TMC1: variants seen among roughly 807,000 people sequenced by gnomAD.
TMC1 encodes transmembrane channel like 1.
A neutral mutation model predicts 105.8 loss-of-function variants in TMC1; 84 were observed. The ratio of observed to expected loss-of-function variants is 0.79; its 90% confidence interval spans 0.67 to 0.95. The LOEUF is 0.95. Ranked by LOEUF, TMC1 falls within the 40% of genes least tolerant of loss-of-function variation. TMC1 has a pLI of 0.00. For synonymous variants in TMC1, 315 were observed against 311.5 expected, an observed-to-expected ratio of 1.01 and a Z score of -0.12; for missense variants, 817 against 914.1, an observed-to-expected ratio of 0.89 and a Z score of 1.37.
chr9:72,644,501 T>G (rs1269561916), intron 4 of TMC1, among the ~76,000 whole-genome samples: 1 of 152,114 alleles, frequency 6.6e-6, no homozygotes, highest in Non-Finnish European at 1.5e-5. Flanking sequence ...CCAGCACTAT[T>G]TATTGAAAAG....
intron 8 of TMC1, among the ~76,000 whole-genome samples, chr9:72,735,027 C>T (rs2117997073): frequency 6.6e-6 from 1 of 152,294 alleles, no homozygotes; most frequent in East Asian, 1.9e-4. Flanking sequence ...TGAAAGCATT[C>T]TTGAAAGACC....
chr9:72,692,652 G>A (rs1826484922), intron 6 of TMC1, among the ~76,000 whole-genome samples: 1 of 152,152 alleles, frequency 6.6e-6, no homozygotes, highest in Non-Finnish European at 1.5e-5. Flanking sequence ...CTCCTGTCAA[G>A]TTTTTGTCCT....
At chr9:72,543,372 G>C (rs1034136686) in intron 1 of TMC1, among the ~76,000 whole-genome samples, 2 of 152,142 alleles carry the variant, frequency 1.3e-5, no homozygotes, top group Non-Finnish European at 2.9e-5. Flanking sequence ...AGTCTGTCCA[G>C]AGCTACAACC....
Position 72,740,223 on chromosome 9 carries a change from T to C in TMC1, c.453+14T>C, listed in dbSNP as rs1356804289. The stretch of plus-strand genomic sequence containing the variant: ...ATGATGGCCAAGGTAGGTATTTTTA[T>C]AGTTGTCTGGTTTATGGCATATTGC... On this transcript the variant is annotated intron_variant, in intron 9 of 23. Coordinates refer to ENST00000297784, the MANE Select transcript of TMC1 (RefSeq NM_138691.3). 8.1e-6 allele frequency: 13 copies of C among 1,610,430 alleles called. No homozygotes were observed. The highest frequency in any genetic ancestry group is 1.0e-5 in the Non-Finnish European group (12 of 1,176,758).
intron 8 of TMC1, among the ~76,000 whole-genome samples, chr9:72,702,848 TC>T (rs1269796178): frequency 1.1e-4 from 17 of 151,946 alleles, no homozygotes; most frequent in Admixed American, 1.1e-3. Context: ...TGGTCTGGAG[TC>T]CAAGAGTTAA....
intron 3 of TMC1, among the ~76,000 whole-genome samples, 157 bp from the exon 4 acceptor site, chr9:72,627,764 G>A (rs1243634326): frequency 6.6e-6 from 1 of 152,090 alleles, no homozygotes; most frequent in Non-Finnish European, 1.5e-5. Context: ...GGCTATTCTT[G>A]TCTGTGGCAT....
chr9:72,545,687 C>T (rs924882612), intron 1 of TMC1, among the ~76,000 whole-genome samples: 1 of 151,964 alleles, frequency 6.6e-6, no homozygotes, highest in African/African-American at 2.4e-5. Flanking sequence ...AGGGTTTCAC[C>T]ATGTTCGCCA....
chr9:72,684,073 C>A (rs531490993), intron 5 of TMC1, among the ~76,000 whole-genome samples: 71 of 151,960 alleles, frequency 4.7e-4, no homozygotes, highest in Middle Eastern at 3.4e-3. Context: ...CAGGGATAAA[C>A]CAAAAGCAGA....
chr9:72,783,522 T>TTA (rs1212440990), intron 13 of TMC1, among the ~76,000 whole-genome samples: 66 of 152,294 alleles, frequency 4.3e-4, no homozygotes, highest in African/African-American at 1.3e-3. Context: ...CTGTGGCAGC[T>TTA]GATTAGATGA....
chr9:72,685,780 C>T (rs1826371012), intron 5 of TMC1, among the ~76,000 whole-genome samples: 1 of 152,140 alleles, frequency 6.6e-6, no homozygotes. Context: ...TGTGAGCACA[C>T]AATAAATGGT....
chr9:72,833,461 G>A (rs1829073841), intron 23 of TMC1, among the ~76,000 whole-genome samples: 1 of 152,174 alleles, frequency 6.6e-6, no homozygotes, highest in Non-Finnish European at 1.5e-5. Context: ...ACTAGTGTGT[G>A]TCTGGGATAC....
intron 15 of TMC1, 68 bp from the exon 16 acceptor site, chr9:72,791,818 A>T (rs1238801101): frequency 1.9e-5 from 27 of 1,416,432 alleles, no homozygotes; most frequent in Non-Finnish European, 2.5e-5. Flanking sequence ...ATCTTCCAAA[A>T]TTCTGGCAAA....
intron 2 of TMC1, among the ~76,000 whole-genome samples, chr9:72,583,385 A>G (rs1279705837): frequency 6.6e-6 from 1 of 152,144 alleles, no homozygotes; most frequent in Admixed American, 6.6e-5. Context: ...ACATGTTCCC[A>G]TCTTTATTAT....
chr9:72,583,364 C>G (rs1824502748), intron 2 of TMC1, among the ~76,000 whole-genome samples: 1 of 152,164 alleles, frequency 6.6e-6, no homozygotes. Flanking sequence ...TGCATTGGTT[C>G]TATTTATTAG....
intron 5 of TMC1, among the ~76,000 whole-genome samples, chr9:72,655,632 C>T (rs1825871463): frequency 1.3e-5 from 2 of 151,956 alleles, no homozygotes; most frequent in Non-Finnish European, 2.9e-5. Flanking sequence ...GTCCCAGCTA[C>T]TTGTAAGGCT....
At chr9:72,721,678 A>G (rs1564513632) in intron 8 of TMC1, among the ~76,000 whole-genome samples, 1 of 152,152 alleles carries the variant, frequency 6.6e-6, no homozygotes, top group Non-Finnish European at 1.5e-5. Context: ...GGCCTATGAA[A>G]TTGCCCCTGC....
At chr9:72,566,629 G>T (rs1824159694) in intron 1 of TMC1, among the ~76,000 whole-genome samples, 1 of 152,148 alleles carries the variant, frequency 6.6e-6, no homozygotes. Context: ...AACAGAAGGA[G>T]CCCACAGGAA....
At chr9:72,725,847 T>G (rs1179598727) in intron 8 of TMC1, among the ~76,000 whole-genome samples, 2 of 151,948 alleles carry the variant, frequency 1.3e-5, no homozygotes, top group Non-Finnish European at 2.9e-5. Context: ...GCCGCCACCA[T>G]GCCCGGCTAA....
At chr9:72,661,661 A>G in intron 5 of TMC1, among the ~76,000 whole-genome samples, 1 of 152,330 alleles carries the variant, frequency 6.6e-6, no homozygotes, top group South Asian at 2.1e-4. Context: ...TATGTTCCTT[A>G]TATGACTACT....
Sources: allele counts gnomAD v4.1 joint callset (sites outside exome capture counted in the v4.1 genomes callset), GRCh38; gene constraint gnomAD v4.1.1; transcripts MANE v1.5; gene names NCBI Gene and HGNC (gene_info 2026-07-23, HGNC 2026-07-21).